Variants in C14orf132 observed in about 807,000 individuals in gnomAD.
The protein encoded by C14orf132 is chromosome 14 open reading frame 132.
C14orf132 carries 6 observed loss-of-function variants against 5.8 expected under a neutral mutation model. The ratio of observed to expected loss-of-function variants is 1.03; its 90% CI spans 0.57 to 2.04. The LOEUF (loss-of-function observed/expected upper bound fraction) is 2.04, where lower values mean the gene tolerates loss of function less well. C14orf132 is among the 30% of genes most tolerant of loss of function. The probability of loss-of-function intolerance (pLI) is 0.00; values close to 1 mark genes in which losing one functional copy is unlikely to be tolerated. For synonymous variants in C14orf132, 51 were observed against 49.8 expected (o/e 1.02, Z -0.10); for missense variants, 125 against 115.8 (o/e 1.08, Z -0.37).
intron 1 of C14orf132, among the ~76,000 whole-genome samples, chr14:96,083,531 A>G (rs998656588): frequency 1.1e-4 from 16 of 152,340 alleles, no homozygotes; most frequent in Non-Finnish European, 7.3e-5. Context: ...AAGGGCCCTT[A>G]TAAGAGCGAG....
chr14:96,044,694 C>T (rs1886787127), intron 1 of C14orf132, among the ~76,000 whole-genome samples: 1 of 152,154 alleles, frequency 6.6e-6, no homozygotes, highest in African/African-American at 2.4e-5. Flanking sequence ...ACTCTCTTGG[C>T]ATCACAGTGT....
At chr14:96,067,971 G>A (rs1469372204) in intron 1 of C14orf132, among the ~76,000 whole-genome samples, 1 of 152,154 alleles carries the variant, frequency 6.6e-6, no homozygotes, top group Non-Finnish European at 1.5e-5. Context: ...ATAGGGTTGC[G>A]ATAATAAAAC....
intron 1 of C14orf132, among the ~76,000 whole-genome samples, chr14:96,046,951 C>T (rs1017379465): frequency 8.5e-5 from 13 of 152,200 alleles, no homozygotes; most frequent in Non-Finnish European, 1.5e-4. Context: ...AAGAAACTAG[C>T]AGAAGTTGTC....
intron 1 of C14orf132, among the ~76,000 whole-genome samples, chr14:96,051,890 ACAGACCAT>A (rs1186126863): frequency 1.3e-5 from 2 of 152,230 alleles, no homozygotes; most frequent in Non-Finnish European, 2.9e-5. Flanking sequence ...CACATTGCAT[ACAGACCAT>A]CATTCCTAGG....
At position 96,086,747 on chromosome 14, in the gene C14orf132, C is replaced by T. The variant is rs1336106511; in HGVS notation, c.*12C>T. 6.5e-7 allele frequency: 1 copy of T among 1,534,664 alleles called. No homozygotes were observed. Among genetic ancestry groups the T allele is most frequent in the Non-Finnish European group, 8.7e-7 (1 of 1,145,868 alleles). ...CCTTCACCTTCTGAGGACGGCACAC[C>T]CTGCACCACCATGGGGTGAGGCTTG... On this transcript the variant is annotated 3_prime_UTR_variant, in exon 2 of 2. Transcript: ENST00000555004.
intron 1 of C14orf132, among the ~76,000 whole-genome samples, chr14:96,051,695 C>T (rs1887031678): frequency 6.6e-6 from 1 of 152,170 alleles, no homozygotes; most frequent in South Asian, 2.1e-4. Context: ...TCTCTCTGAC[C>T]TCCTGCCAAT....
At chr14:96,047,740 A>G (rs561989218) in intron 1 of C14orf132, among the ~76,000 whole-genome samples, 1 of 152,332 alleles carries the variant, frequency 6.6e-6, no homozygotes, top group South Asian at 2.1e-4. Context: ...TTTTTTAAAG[A>G]GATGTTTTAA....
chr14:96,040,309 G>C (rs1886656883), intron 1 of C14orf132: 1 of 398,536 alleles, frequency 2.5e-6, no homozygotes, highest in African/African-American at 2.1e-5. Context: ...CCATCAGTCT[G>C]TGACCCTAGA....
At chr14:96,052,351 T>C (rs1331556147) in intron 1 of C14orf132, among the ~76,000 whole-genome samples, 7 of 152,178 alleles carry the variant, frequency 4.6e-5, no homozygotes, top group Non-Finnish European at 7.4e-5. Flanking sequence ...GCTGAAAGAA[T>C]TGAGAGGGGC....
chr14:96,043,607 G>A (rs548799585), intron 1 of C14orf132, among the ~76,000 whole-genome samples: 6 of 152,238 alleles, frequency 3.9e-5, no homozygotes, highest in South Asian at 2.1e-4. Context: ...TCAGATTCTA[G>A]GGGTGGGAGC....
At chr14:96,065,708 C>T (rs1184068096) in intron 1 of C14orf132, among the ~76,000 whole-genome samples, 2 of 151,628 alleles carry the variant, frequency 1.3e-5, no homozygotes, top group Admixed American at 6.6e-5. Flanking sequence ...AGCCAATGAA[C>T]GAGATAACAA....
chr14:96,047,729 CT>C (rs1886870156), intron 1 of C14orf132, among the ~76,000 whole-genome samples: 1 of 152,106 alleles, frequency 6.6e-6, no homozygotes, highest in Non-Finnish European at 1.5e-5. Context: ...TTTTTAAGAA[CT>C]TTTTTAAAGA....
At chr14:96,041,753 T>C (rs2139637722) in intron 1 of C14orf132, among the ~76,000 whole-genome samples, 1 of 152,352 alleles carries the variant, frequency 6.6e-6, no homozygotes, top group South Asian at 2.1e-4. Flanking sequence ...GAAATGTTGG[T>C]GCATCCATCC....
At chr14:96,050,610 A>C (rs1202400506) in intron 1 of C14orf132, among the ~76,000 whole-genome samples, 4 of 147,294 alleles carry the variant, frequency 2.7e-5, no homozygotes, top group African/African-American at 1.0e-4. Context: ...TTCTCTCCAT[A>C]CTCTGCCATG....
intron 1 of C14orf132, among the ~76,000 whole-genome samples, chr14:96,050,046 C>A (rs1886985356): frequency 6.6e-6 from 1 of 152,064 alleles, no homozygotes; most frequent in African/African-American, 2.4e-5. Flanking sequence ...GTTTTAATGT[C>A]CTCACTTATT....
chr14:96,081,720 T>C, intron 1 of C14orf132, among the ~76,000 whole-genome samples: 1 of 151,992 alleles, frequency 6.6e-6, no homozygotes, highest in East Asian at 1.9e-4. Flanking sequence ...CACATCAACC[T>C]CCCTAGTAGC....
At chr14:96,049,551 T>C (rs553804182) in intron 1 of C14orf132, among the ~76,000 whole-genome samples, 7 of 135,900 alleles carry the variant, frequency 5.2e-5, no homozygotes, top group Admixed American at 1.5e-4. Context: ...CGTATATATA[T>C]ACATATATAC....
intron 1 of C14orf132, among the ~76,000 whole-genome samples, chr14:96,079,864 A>AT (rs1887978800): frequency 6.6e-6 from 1 of 152,232 alleles, no homozygotes. Flanking sequence ...TAGTTTTTAG[A>AT]TTAGCCACAT....
intron 1 of C14orf132, among the ~76,000 whole-genome samples, chr14:96,064,983 T>G (rs1406596959): frequency 3.3e-5 from 5 of 152,214 alleles, no homozygotes; most frequent in Non-Finnish European, 7.3e-5. Context: ...GCCACCTCCC[T>G]TAGCTTCTCT....
Sources: allele counts gnomAD v4.1 joint callset (sites outside exome capture counted in the v4.1 genomes callset), GRCh38; gene constraint gnomAD v4.1.1; transcripts MANE v1.5; gene names NCBI Gene and HGNC (gene_info 2026-07-23, HGNC 2026-07-21).